The following KCNB2 variants were observed in gnomAD, a reference collection of about 807,000 sequenced individuals.
KCNB2 encodes the protein delayed rectifier potassium channel protein.
A neutral mutation model predicts 61.5 loss-of-function variants in KCNB2; 15 were observed. The ratio of observed to expected loss-of-function variants is 0.24; its 90% CI spans 0.16 to 0.38. The LOEUF (loss-of-function observed/expected upper bound fraction) is 0.38, where lower values mean the gene tolerates loss of function less well. Among genes scored for constraint, KCNB2 ranks in the 10% least tolerant of loss-of-function variants. The probability of loss-of-function intolerance (pLI) is 1.00; values close to 1 mark genes in which losing one functional copy is unlikely to be tolerated. For synonymous variants in KCNB2, 457 were observed against 446.0 expected (o/e 1.02, Z -0.31); for missense variants, 828 against 1,125.2 (o/e 0.74, Z 3.78).
intron 2 of KCNB2, among the ~76,000 whole-genome samples, chr8:72,865,073 T>A (rs1805494122): frequency 6.6e-6 from 1 of 152,172 alleles, no homozygotes; most frequent in African/African-American, 2.4e-5. Context: ...TTTGGTCTCT[T>A]CCCAGAATTA....
At chr8:72,546,395 G>A (rs1806258448) in intron 1 of KCNB2, among the ~76,000 whole-genome samples, 1 of 152,010 alleles carries the variant, frequency 6.6e-6, no homozygotes, top group Non-Finnish European at 1.5e-5. Context: ...GCAGGTGCCT[G>A]TAATCCCAGC....
At chr8:72,873,174 T>G (rs918936418) in intron 2 of KCNB2, among the ~76,000 whole-genome samples, 1 of 152,220 alleles carries the variant, frequency 6.6e-6, no homozygotes, top group African/African-American at 2.4e-5. Context: ...CCCTCATTCA[T>G]TAAAATCCAA....
At chr8:72,778,260 T>G (rs1234952633) in intron 2 of KCNB2, among the ~76,000 whole-genome samples, 1 of 152,170 alleles carries the variant, frequency 6.6e-6, no homozygotes, top group Non-Finnish European at 1.5e-5. Flanking sequence ...GGTATTATTG[T>G]TTTTACTACC....
chr8:72,629,474 C>T (rs1805845977), intron 2 of KCNB2, among the ~76,000 whole-genome samples: 1 of 152,134 alleles, frequency 6.6e-6, no homozygotes, highest in Non-Finnish European at 1.5e-5. Context: ...ATAATAATAC[C>T]TATAACCCAA....
At chr8:72,737,484 A>C (rs1435479168) in intron 2 of KCNB2, among the ~76,000 whole-genome samples, 3 of 152,186 alleles carry the variant, frequency 2.0e-5, no homozygotes, top group Non-Finnish European at 4.4e-5. Context: ...AAATGTTCTC[A>C]ATAGTTGTAT....
At chr8:72,811,509 T>G (rs1413362281) in intron 2 of KCNB2, among the ~76,000 whole-genome samples, 2 of 152,238 alleles carry the variant, frequency 1.3e-5, no homozygotes, top group Non-Finnish European at 2.9e-5. Context: ...GAGTCTTTTC[T>G]TCGATTATGT....
chr8:72,653,075 G>T (rs1488673462), intron 2 of KCNB2, among the ~76,000 whole-genome samples: 1 of 152,032 alleles, frequency 6.6e-6, no homozygotes, highest in Non-Finnish European at 1.5e-5. Context: ...TCCTCTCTGT[G>T]TCTGTATCCC....
At chr8:72,628,725 T>C (rs149762580) in intron 2 of KCNB2, among the ~76,000 whole-genome samples, 11 of 152,248 alleles carry the variant, frequency 7.2e-5, no homozygotes, top group African/African-American at 2.4e-4. Context: ...TCTAGCTAAA[T>C]TTCTTTTAGG....
chr8:72,642,250 A>G (rs12545975), intron 2 of KCNB2, among the ~76,000 whole-genome samples: 4 of 152,102 alleles, frequency 2.6e-5, no homozygotes, highest in Non-Finnish European at 5.9e-5. Context: ...TAATAATTTT[A>G]TATGGATTGT....
intron 2 of KCNB2, among the ~76,000 whole-genome samples, chr8:72,624,734 G>C (rs1585791904): frequency 1.3e-5 from 2 of 152,188 alleles, no homozygotes; most frequent in African/African-American, 4.8e-5. Flanking sequence ...TTCAAATGTG[G>C]ATGGGGCCTG....
chr8:72,658,444 A>G (rs2128987039), intron 2 of KCNB2, among the ~76,000 whole-genome samples: 1 of 152,318 alleles, frequency 6.6e-6, no homozygotes, highest in South Asian at 2.1e-4. Context: ...CATGCTGTTA[A>G]AAGAAAGAAG....
intron 2 of KCNB2, among the ~76,000 whole-genome samples, chr8:72,719,085 C>A (rs893492309): frequency 6.6e-6 from 1 of 150,688 alleles, no homozygotes; most frequent in African/African-American, 2.4e-5. Context: ...TTGTTTTGTT[C>A]TTTTGCTTTG....
intron 2 of KCNB2, among the ~76,000 whole-genome samples, chr8:72,709,638 A>T (rs1462966725): frequency 6.6e-6 from 1 of 152,066 alleles, no homozygotes; most frequent in African/African-American, 2.4e-5. Flanking sequence ...GAACTCACTT[A>T]TCACCTCAAG....
chr8:72,925,159 G>A (rs1371559424), intron 2 of KCNB2, among the ~76,000 whole-genome samples: 2 of 152,152 alleles, frequency 1.3e-5, no homozygotes, highest in Non-Finnish European at 2.9e-5. Context: ...ATGGTCTTTA[G>A]ATATGGGGAT....
intron 2 of KCNB2, among the ~76,000 whole-genome samples, chr8:72,898,774 C>G (rs1184609124): frequency 6.6e-6 from 1 of 152,102 alleles, no homozygotes; most frequent in Admixed American, 6.6e-5. Context: ...AGGTAGTGAA[C>G]ATAGTACCCA....
chr8:72,608,315 A>G (rs2128983076), intron 2 of KCNB2, among the ~76,000 whole-genome samples: 1 of 152,188 alleles, frequency 6.6e-6, no homozygotes, highest in South Asian at 2.1e-4. Context: ...CCAGGCAGGG[A>G]GAGGAGGCAG....
rs796706515 is a variant in KCNB2, at chr8:72,581,169, T to C, written c.579+12856T>C. ...GGAACATCATTTTTTTCTAGTTTGC[T>C]CAAATGTGCCTCATATACGAGCTGC... On this transcript the variant is annotated intron_variant, in intron 2 of 2. Transcript: ENST00000523207. Among the ~76,000 whole-genome samples, 27 of 152,220 alleles carry C rather than the reference T, an allele frequency of 1.8e-4. 1 individual carries two copies. The highest frequency in any genetic ancestry group is 6.3e-4 in the African/African-American group (26 of 41,526).
intron 2 of KCNB2, among the ~76,000 whole-genome samples, chr8:72,591,891 TAAG>T (rs1279852796): frequency 6.6e-6 from 1 of 152,172 alleles, no homozygotes; most frequent in African/African-American, 2.4e-5. Flanking sequence ...TTTTGAATTA[TAAG>T]AATAGTATCA....
intron 2 of KCNB2, among the ~76,000 whole-genome samples, chr8:72,657,507 A>G (rs1460575183): frequency 6.6e-6 from 1 of 152,172 alleles, no homozygotes; most frequent in Non-Finnish European, 1.5e-5. Flanking sequence ...GTTGTTAAAC[A>G]GCAACAATTG....
Sources: allele counts gnomAD v4.1 joint callset (sites outside exome capture counted in the v4.1 genomes callset), GRCh38; gene constraint gnomAD v4.1.1; transcripts MANE v1.5; gene names NCBI Gene and HGNC (gene_info 2026-07-23, HGNC 2026-07-21).